Variants in CDH13 observed in about 807,000 individuals in gnomAD.
CDH13 encodes cadherin 13, also known as cadherin-13.
In CDH13, 24 loss-of-function variants were observed where a neutral mutation model predicts 63.8. The ratio of observed to expected loss-of-function variants is 0.38; its 90% CI spans 0.27 to 0.53. The LOEUF (loss-of-function observed/expected upper bound fraction) is 0.53. Ranked by LOEUF, CDH13 falls within the 20% of genes least tolerant of loss-of-function variation. The pLI is 0.85. For synonymous variants in CDH13, 503 were observed against 355.3 expected (o/e 1.42, Z -4.67); for missense variants, 1,049 against 903.1 (o/e 1.16, Z -2.07).
At chr16:83,555,123 T>G (rs754236112) in intron 7 of CDH13, among the ~76,000 whole-genome samples, 7 of 152,190 alleles carry the variant, frequency 4.6e-5, no homozygotes, top group Non-Finnish European at 7.3e-5. Flanking sequence ...CGAGCTACTT[T>G]GGTACTTCAT....
intron 2 of CDH13, among the ~76,000 whole-genome samples, chr16:82,948,392 T>C (rs915489488): frequency 6.6e-6 from 1 of 152,184 alleles, no homozygotes; most frequent in African/African-American, 2.4e-5. Context: ...ATTTAACACA[T>C]GGCATGCCTT....
chr16:82,966,572 T>A (rs773519883), intron 2 of CDH13, among the ~76,000 whole-genome samples: 6 of 152,240 alleles, frequency 3.9e-5, no homozygotes, highest in Non-Finnish European at 8.8e-5. Flanking sequence ...TTCTAGAGCC[T>A]TTGTTCTGGA....
At chr16:82,768,735 C>T (rs1049798671) in intron 1 of CDH13, among the ~76,000 whole-genome samples, 5 of 152,174 alleles carry the variant, frequency 3.3e-5, no homozygotes, top group African/African-American at 1.2e-4. Flanking sequence ...GGATATTGTT[C>T]AGCAGCCACT....
intron 5 of CDH13, among the ~76,000 whole-genome samples, chr16:83,256,588 T>A (rs1455735172): frequency 1.3e-5 from 2 of 150,080 alleles, no homozygotes; most frequent in Non-Finnish European, 3.0e-5. Flanking sequence ...TCCCAGCACT[T>A]TGGGAGGCTG....
intron 3 of CDH13, among the ~76,000 whole-genome samples, chr16:83,053,896 T>C (rs2030647989): frequency 1.3e-5 from 2 of 152,218 alleles, no homozygotes; most frequent in African/African-American, 2.4e-5. Context: ...TCTGTGTATG[T>C]ATATAGTCAC....
intron 1 of CDH13, among the ~76,000 whole-genome samples, chr16:82,729,165 A>G (rs928631578): frequency 2.0e-5 from 3 of 152,184 alleles, no homozygotes; most frequent in African/African-American, 7.2e-5. Flanking sequence ...AACTTCTTCC[A>G]AACTCCTTTT....
At chr16:82,741,191 A>T (rs2033914215) in intron 1 of CDH13, among the ~76,000 whole-genome samples, 1 of 152,130 alleles carries the variant, frequency 6.6e-6, no homozygotes, top group Admixed American at 6.5e-5. Context: ...GTTGCCATTG[A>T]TATAGCTCAA....
chr16:83,651,408 T>G (rs1478250616), intron 8 of CDH13, among the ~76,000 whole-genome samples: 1 of 152,128 alleles, frequency 6.6e-6, no homozygotes, highest in Non-Finnish European at 1.5e-5. Flanking sequence ...TATAAATTAT[T>G]TAATCCATCA....
intron 6 of CDH13, among the ~76,000 whole-genome samples, chr16:83,378,143 A>T (rs2091490713): frequency 6.6e-6 from 1 of 152,156 alleles, no homozygotes; most frequent in Non-Finnish European, 1.5e-5. Context: ...CATCACTACG[A>T]TTTATCCAGC....
At chr16:83,658,185 ATCCTCACCAGCAAGGTCTCATG>A (rs1913063135) in intron 8 of CDH13, among the ~76,000 whole-genome samples, 4 of 129,990 alleles carry the variant, frequency 3.1e-5, no homozygotes, top group Non-Finnish European at 1.6e-5. Context: ...AAGGTCCCAT[ATCCTCACCAGCAAGGTCTCATG>A]TCCTCACCAC....
intron 2 of CDH13, among the ~76,000 whole-genome samples, chr16:82,976,567 T>A (rs142206217): frequency 6.6e-6 from 1 of 152,302 alleles, no homozygotes; most frequent in East Asian, 1.9e-4. Flanking sequence ...AGATAAATTA[T>A]GCCTCAAGAC....
intron 2 of CDH13, among the ~76,000 whole-genome samples, chr16:82,971,429 T>A (rs1908727775): frequency 6.6e-6 from 1 of 152,220 alleles, no homozygotes; most frequent in Non-Finnish European, 1.5e-5. Flanking sequence ...GCATAAGGTT[T>A]CCAACAACCC....
At position 83,047,031 on chromosome 16, in the gene CDH13, ATG is replaced by A; in HGVS notation, c.366+14816_366+14817del. On this transcript the variant is annotated intron_variant, in intron 3 of 13. Coordinates refer to ENST00000567109, the MANE Select transcript of CDH13 (RefSeq NM_001257.5). The surrounding 1 kb of genome is among the most constrained non-coding windows in gnomAD (Gnocchi z 4.9). ...TCTGCAGCAAATCCTTTGACAGAGA[ATG>A]TGCACTGTCAACCAACCCCTTCATC... 6.6e-6 allele frequency among the ~76,000 whole-genome samples: 1 copy of A among 152,168 alleles called. No homozygotes were observed. The highest frequency in any genetic ancestry group is 2.1e-4 in the South Asian group (1 of 4,820).
At chr16:83,673,033 C>A (rs1261660954) in intron 9 of CDH13, among the ~76,000 whole-genome samples, 1 of 152,210 alleles carries the variant, frequency 6.6e-6, no homozygotes, top group Non-Finnish European at 1.5e-5. Flanking sequence ...GTACTTCGTG[C>A]ATTACTGCTA....
Position 82,658,387 on chromosome 16 carries a change from CATCAATTG to C in CDH13, c.45+31253_45+31260del, listed in dbSNP as rs543467171. Among the ~76,000 whole-genome samples the C allele has an allele frequency of 1.6e-4, 25 of 152,316 alleles. No individual in the cohort carries two copies. In the South Asian group the frequency reaches 5.0e-3, roughly 30 times the overall value. ...GCTGTCCCATTTATGTGCTGGATAA[CATCAATTG>C]ATTCTTAAATGTTCAACAAGCCTTG... On this transcript the variant is annotated intron_variant, in intron 1 of 13. Transcript: ENST00000567109.
chr16:83,550,212 G>T (rs2075465253), intron 7 of CDH13, among the ~76,000 whole-genome samples: 2 of 152,178 alleles, frequency 1.3e-5, no homozygotes, highest in Admixed American at 6.5e-5. Context: ...TACTTGAGAG[G>T]GACAAACAAA....
intron 2 of CDH13, among the ~76,000 whole-genome samples, chr16:83,003,270 G>C (rs1913127494): frequency 6.6e-6 from 1 of 152,150 alleles, no homozygotes; most frequent in African/African-American, 2.4e-5. Flanking sequence ...ACTGTAGTTT[G>C]GAAAAGGTCA....
chr16:82,819,840 A>G (rs2037914776), intron 1 of CDH13, among the ~76,000 whole-genome samples: 1 of 152,226 alleles, frequency 6.6e-6, no homozygotes, highest in South Asian at 2.1e-4. Flanking sequence ...CAGAAGAGAC[A>G]ACTAATATAT....
chr16:83,550,067 C>G lies in CDH13; in HGVS notation c.961-52387C>G, dbSNP rs77961294. Among the ~76,000 whole-genome samples the G allele has an allele frequency of 1.4e-3, 216 of 152,350 alleles. 1 individual carries two copies. Among genetic ancestry groups the G allele is most frequent in the Admixed American group, 2.8e-3 (43 of 15,304 alleles). Reference sequence around the variant, plus strand: ...TCAAAATTGGGGATGCTCTTGCCTTCTAGTGCAGGGGTGATGACTTGTTCT... The same window carrying G: ...TCAAAATTGGGGATGCTCTTGCCTTGTAGTGCAGGGGTGATGACTTGTTCT... On this transcript the variant is annotated intron_variant, in intron 7 of 13. Coordinates refer to ENST00000567109, the MANE Select transcript of CDH13 (RefSeq NM_001257.5).
Sources: allele counts gnomAD v4.1 joint callset (sites outside exome capture counted in the v4.1 genomes callset), GRCh38; gene constraint gnomAD v4.1.1; non-coding constraint Gnocchi (gnomAD v3.1); transcripts MANE v1.5; gene names NCBI Gene and HGNC (gene_info 2026-07-23, HGNC 2026-07-21).